Variants in ACOX3 observed in about 807,000 individuals in gnomAD.
ACOX3 encodes the protein peroxisomal acyl-coenzyme A oxidase 3.
Under a neutral mutation model 81.5 loss-of-function variants are expected in ACOX3, and 73 were observed. The observed-to-expected ratio is 0.90, with a 90% confidence interval of 0.74 to 1.09. The LOEUF (loss-of-function observed/expected upper bound fraction) is 1.09. Among genes scored for constraint, ACOX3 ranks in the 50% least tolerant of loss-of-function variants. The probability of loss-of-function intolerance (pLI) is 0.00; values close to 1 mark genes in which losing one functional copy is unlikely to be tolerated. For missense variants in ACOX3, 947 were observed against 928.0 expected (o/e 1.02, Z -0.27); for synonymous variants, 387 against 375.1 (o/e 1.03, Z -0.37).
the ACOX3 span, chr4:8,357,458 T>C: frequency 8.6e-6 from 3 of 348,598 alleles, no homozygotes; most frequent in Non-Finnish European, 1.7e-5. Context: ...TGTGGAGTTA[T>C]AAGTGATATC....
chr4:8,355,612 G>A, the ACOX3 span: 1 of 152,214 alleles, frequency 6.6e-6, no homozygotes. Flanking sequence ...ATCTTTGTGT[G>A]AGAAAGGACT....
chr4:8,360,857 A>G, the ACOX3 span, among the ~76,000 whole-genome samples: 1 of 152,170 alleles, frequency 6.6e-6, no homozygotes, highest in Non-Finnish European at 1.5e-5. Flanking sequence ...CCACGCCCCT[A>G]GCTATGCTGG....
chr4:8,405,977 C>T lies in ACOX3; in HGVS notation c.754G>A (p.Gly252Arg), dbSNP rs750656141. ...VMVGDIGKKL[G>R]QNGLDNGFAM... ...CACCCATTATCCAGACCGTTCTGCC[C>T]GAGTTTTTTTCCTATGTCGCCAACC... is the stretch of plus-strand genomic sequence containing the variant. Residue 252 changes from glycine (G) to arginine (R), a missense_variant, in exon 7 of 18, where the codon GGG (glycine) becomes AGG (arginine). Coordinates refer to ENST00000356406, the MANE Select transcript of ACOX3 (RefSeq NM_003501.3). This position sits in a 1 kb window ranked among gnomAD's most constrained non-coding sequence, Gnocchi z 7.1. 48 of 1,614,134 alleles carry T rather than the reference C, an allele frequency of 3.0e-5. 1 individual carries two copies. Among genetic ancestry groups the T allele is most frequent in the South Asian group, 2.2e-4 (20 of 91,088 alleles).
chr4:8,399,665 A>G lies in ACOX3; in HGVS notation c.777-13T>C, dbSNP rs1720141827. The G allele has an allele frequency of 1.2e-6, 2 of 1,611,674 alleles. No homozygotes were observed. ...GAACATGGCGAAACTGTGGGGAAGC[A>G]GCAGGGCTTCTGTTAAACAGGGGTC... On this transcript the variant is annotated splice_polypyrimidine_tract_variant and intron_variant, in intron 7 of 17. Transcript: ENST00000356406. The surrounding 1 kb of genome is among the most constrained non-coding windows in gnomAD (Gnocchi z 4.9).
At position 8,397,005 on chromosome 4, in the gene ACOX3, A is replaced by G. The variant is rs757117025; in HGVS notation, c.988T>C (p.Ser330Pro). 2 of 1,612,284 alleles carry G rather than the reference A, an allele frequency of 1.2e-6. No homozygotes were observed. The highest frequency in any genetic ancestry group is 1.7e-5 in the Admixed American group (1 of 59,622). The change falls in exon 9 of 18, where the codon TCA (serine) becomes CCA (proline). Residue 330 changes from serine (S) to proline (P), a missense_variant. Transcript: ENST00000356406. Reference sequence around the variant, plus strand: ...GGTCCAAACTGACGCCGAGTGGCTGAGAAGCGAAGAGCGATGGCCACGGCC... The same window carrying G: ...GGTCCAAACTGACGCCGAGTGGCTGGGAAGCGAAGAGCGATGGCCACGGCC... ...KLAVAIALRF[S>P]ATRRQFGPTE... is the part of the protein sequence containing the mutation.
Position 8,389,130 on chromosome 4 carries a change from A to G in ACOX3, c.1537+43T>C. On this transcript the variant is annotated intron_variant, in intron 13 of 17. Transcript: ENST00000356406. This position sits in a 1 kb window ranked among gnomAD's most constrained non-coding sequence, Gnocchi z 5.3. Reference sequence around the variant, plus strand: ...CGGTGCGTTTCCTGGTGGGAATGACAGGAAATCAGGAGGCCAGGGGAGCCC... The same window carrying G: ...CGGTGCGTTTCCTGGTGGGAATGACGGGAAATCAGGAGGCCAGGGGAGCCC... 6.5e-7 allele frequency: 1 copy of G among 1,542,730 alleles called. No homozygotes were observed. Among genetic ancestry groups the G allele is most frequent in the Non-Finnish European group, 8.9e-7 (1 of 1,118,620 alleles).
chr4:8,394,495 C>A lies in ACOX3; in HGVS notation c.1179+125G>T. ...AAGAGCTCCGAGTGGGTGGGAACAA[C>A]TGGAGGAATGCTCTGTCCTCGCAAA... On this transcript the variant is annotated intron_variant, in intron 10 of 17. Transcript: ENST00000356406. This position sits in a 1 kb window ranked among gnomAD's most constrained non-coding sequence, Gnocchi z 5.9. 7.0e-7 allele frequency: 1 copy of A among 1,420,652 alleles called. No homozygotes were observed. Among genetic ancestry groups the A allele is most frequent in the Admixed American group, 2.2e-5 (1 of 44,724 alleles). 88.0% of individuals were successfully genotyped at this position (1,420,652 alleles called of 1,614,324 possible). A position where few individuals can be genotyped will look rare whatever the true frequency, so the allele number is the denominator to read the frequency against.
At chr4:8,374,453 T>C (rs936485624) in intron 15 of ACOX3, 3 of 153,038 alleles carry the variant, frequency 2.0e-5, no homozygotes, top group African/African-American at 7.2e-5. Context: ...ATATGCAGTG[T>C]ATCCTAGTAC....
intron 1 of ACOX3, among the ~76,000 whole-genome samples, chr4:8,436,912 A>T (rs1299215113): frequency 1.3e-5 from 2 of 149,156 alleles, no homozygotes; most frequent in African/African-American, 2.5e-5. Context: ...GAATTGTGTG[A>T]ACCTGGGAGG....
In ACOX3 at chr4:8,366,640, A is replaced by G. The variant is rs532379508; in HGVS notation, c.*321T>C. On this transcript the variant is annotated 3_prime_UTR_variant, in exon 18 of 18. Transcript: ENST00000356406. ...GAAGATCCCTGACAATGGGCTGTTT[A>G]CTTTAGAGAAAGGAGCTGAACCCTG... is the stretch of plus-strand genomic sequence containing the variant. 2.4e-4 allele frequency: 48 copies of G among 197,004 alleles called. No individual in the cohort carries two copies. The highest frequency in any genetic ancestry group is 1.1e-3 in the African/African-American group (47 of 43,426). 12.2% of individuals were successfully genotyped at this position (197,004 alleles called of 1,614,324 possible).
intron 16 of ACOX3, among the ~76,000 whole-genome samples, chr4:8,372,673 C>T (rs778770809): frequency 3.9e-5 from 6 of 152,240 alleles, no homozygotes; most frequent in Admixed American, 2.0e-4. Context: ...CAACGAATCC[C>T]GAGAGAGGCT....
rs115091537 is a variant in ACOX3 at position 8,423,888 on chromosome 4, C to T, written c.-14-7353G>A. Among the ~76,000 whole-genome samples the T allele has an allele frequency of 0.011, 1,626 of 152,294 alleles. 34 individuals are homozygous for T. Among genetic ancestry groups the T allele is most frequent in the African/African-American group, 0.038 (1,568 of 41,548 alleles). On this transcript the variant is annotated intron_variant, in intron 1 of 17. Transcript: ENST00000356406. This position sits in a 1 kb window ranked among gnomAD's most constrained non-coding sequence, Gnocchi z 4.2. ...GCCAGGCATTAGCCCGAGACTTGAG[C>T]CAGTTCTCATACTTGGGCACTCTTG...
intron 7 of ACOX3, among the ~76,000 whole-genome samples, chr4:8,403,287 C>CATT (rs1433419984): frequency 6.6e-6 from 1 of 152,170 alleles, no homozygotes; most frequent in Admixed American, 6.5e-5. Flanking sequence ...TTGGAAAAGA[C>CATT]AGACATCCAG....
the ACOX3 span, chr4:8,357,695 T>A: frequency 4.0e-6 from 1 of 250,102 alleles, no homozygotes; most frequent in Admixed American, 5.1e-5. Flanking sequence ...CCTACTCCAC[T>A]CTTGCAGTGG....
chr4:8,413,192 C>T (rs1415347548), intron 5 of ACOX3, among the ~76,000 whole-genome samples: 5 of 144,022 alleles, frequency 3.5e-5, no homozygotes, highest in African/African-American at 1.3e-4. Context: ...CCCTCCACCC[C>T]TGCACCCCTC....
chr4:8,359,752 T>G, the ACOX3 span, among the ~76,000 whole-genome samples: 1 of 152,226 alleles, frequency 6.6e-6, no homozygotes, highest in East Asian at 1.9e-4. This position sits in a 1 kb window ranked among gnomAD's most constrained non-coding sequence, Gnocchi z 6.0. Flanking sequence ...CTGACCTCCC[T>G]GAGCGCCTCG....
At chr4:8,426,978 A>C (rs1723553258) in intron 1 of ACOX3, among the ~76,000 whole-genome samples, 1 of 152,132 alleles carries the variant, frequency 6.6e-6, no homozygotes. Context: ...GTCATCGGCC[A>C]ACCTCCCCAA....
In ACOX3 at chr4:8,384,027, C is replaced by T. The variant is rs567857041; in HGVS notation, c.1538-2420G>A. Among the ~76,000 whole-genome samples the T allele has an allele frequency of 1.2e-4, 19 of 152,340 alleles. 1 individual carries two copies. The highest frequency in any genetic ancestry group is 3.4e-4 in the African/African-American group (14 of 41,570). The stretch of plus-strand genomic sequence containing the variant: ...AGCCATGGCTGGGCTTCCCTCCCAG[C>T]CTGTCCTGGCCATTCCCAAACACTG... On this transcript the variant is annotated intron_variant, in intron 13 of 17. Coordinates refer to ENST00000356406, the MANE Select transcript of ACOX3 (RefSeq NM_003501.3). The surrounding 1 kb of genome is among the most constrained non-coding windows in gnomAD (Gnocchi z 5.3).
chr4:8,411,138 G>A (rs566229198), intron 5 of ACOX3, among the ~76,000 whole-genome samples: 45 of 152,194 alleles, frequency 3.0e-4, no homozygotes, highest in Non-Finnish European at 4.7e-4. Flanking sequence ...TAATGTGGCC[G>A]GGATCCGCAA....
Sources: gnomAD v4.1 joint callset for allele counts (sites outside exome capture counted in the v4.1 genomes callset) on GRCh38, gnomAD v4.1.1 for gene constraint, Gnocchi (gnomAD v3.1) non-coding constraint, MANE v1.5 for transcripts, NCBI Gene and HGNC (gene_info 2026-07-23, HGNC 2026-07-21) for gene names.